ITGAE: variants seen among roughly 807,000 people sequenced by gnomAD.
ITGAE encodes the protein integrin alpha-E.
A neutral mutation model predicts 136.5 loss-of-function variants in ITGAE; 99 were observed. That is an observed-to-expected ratio of 0.73 (90% confidence interval 0.62 to 0.86). ITGAE has a LOEUF of 0.86. Among genes scored for constraint, ITGAE ranks in the 40% least tolerant of loss-of-function variants. The pLI is 0.00. For missense variants in ITGAE, 1,447 were observed against 1,515.3 expected, an observed-to-expected ratio of 0.95 and a Z score of 0.75; for synonymous variants, 613 against 591.8, an observed-to-expected ratio of 1.04 and a Z score of -0.52.
intron 28 of ITGAE, chr17:3,722,631 G>A (rs1003701167): frequency 6.5e-6 from 1 of 153,408 alleles, no homozygotes; most frequent in Non-Finnish European, 1.5e-5. Context: ...CGAGCTAGAA[G>A]AATAGGACAG....
intron 22 of ITGAE, 27 bp downstream of exon 22, chr17:3,732,339 GAA>G: frequency 1.3e-6 from 2 of 1,533,194 alleles, no homozygotes; most frequent in East Asian, 2.2e-5. Flanking sequence ...AGGGTGGTGA[GAA>G]GAGCGAATCA....
At chr17:3,796,941 C>A (rs546603774) in intron 1 of ITGAE, among the ~76,000 whole-genome samples, 1 of 152,012 alleles carries the variant, frequency 6.6e-6, no homozygotes, top group Admixed American at 6.6e-5. Context: ...GAACACCCAG[C>A]GGGGCCTCGT....
chr17:3,748,128 C>A, intron 16 of ITGAE, 76 bp from the exon 17 acceptor site: 18 of 1,456,712 alleles, frequency 1.2e-5, no homozygotes, highest in Non-Finnish European at 1.6e-5. Context: ...TTGGTTCATG[C>A]ATTCAATGGT....
intron 8 of ITGAE, among the ~76,000 whole-genome samples, chr17:3,758,675 C>A (rs1278709256): frequency 6.7e-6 from 1 of 150,206 alleles, no homozygotes; most frequent in Non-Finnish European, 1.5e-5. Flanking sequence ...TGGTCTTGAA[C>A]TCCTGACCTC....
At chr17:3,772,978 G>A (rs2052461257) in intron 2 of ITGAE, among the ~76,000 whole-genome samples, 1 of 152,124 alleles carries the variant, frequency 6.6e-6, no homozygotes, top group Non-Finnish European at 1.5e-5. Flanking sequence ...ATTCCGACAT[G>A]CTCCACCTGG....
At chr17:3,731,718 A>G (rs1242789820) in intron 22 of ITGAE, among the ~76,000 whole-genome samples, 3 of 152,132 alleles carry the variant, frequency 2.0e-5, no homozygotes, top group Non-Finnish European at 2.9e-5. Flanking sequence ...TTACAGGTGA[A>G]GAAGCCACTT....
chr17:3,732,324 A>C, intron 22 of ITGAE, 44 bp downstream of exon 22: 1 of 1,424,092 alleles, frequency 7.0e-7, no homozygotes, highest in Non-Finnish European at 9.9e-7. Context: ...GAAGACGCCA[A>C]CTGCAGGGTG....
At chr17:3,725,502 GGA>G in intron 26 of ITGAE, 1 of 1,614,172 alleles carries the variant, frequency 6.2e-7, no homozygotes. Context: ...TTTAGTCAAT[GGA>G]TCCCATCAGA....
chr17:3,762,437 C>A (rs1433975376), intron 3 of ITGAE, among the ~76,000 whole-genome samples: 1 of 152,148 alleles, frequency 6.6e-6, no homozygotes, highest in South Asian at 2.1e-4. Flanking sequence ...AATCTTACTG[C>A]CCCCAGCCTC....
At position 3,720,307 on chromosome 17, in the gene ITGAE, CT is replaced by C; in HGVS notation, c.3332del (p.Lys1111ArgfsTer7). ...TACTCAGAAGCCAGCCAGGAATTAC[CT>C]TAGTTCTGTGGTTCTCTGCATTCAG... ...EGLNAENHRT[K>X]ITVVFLKDEK... On this transcript the variant is annotated frameshift_variant and splice_region_variant, in exon 29 of 31. Transcript: ENST00000263087. LOFTEE classifies it high-confidence loss of function. The C allele has an allele frequency of 6.6e-7, 1 of 1,513,192 alleles. No homozygotes were observed. Among genetic ancestry groups the C allele is most frequent in the Non-Finnish European group, 9.2e-7 (1 of 1,088,488 alleles). 93.7% of individuals were successfully genotyped at this position (1,513,192 alleles called of 1,614,324 possible). A position where few individuals can be genotyped will look rare whatever the true frequency, so the allele number is the denominator to read the frequency against.
Position 3,722,250 on chromosome 17 carries a change from G to C in ITGAE, c.3237+1038C>G, listed in dbSNP as rs1489083546. 2.6e-5 allele frequency: 4 copies of C among 152,190 alleles called. 1 individual carries two copies. The highest frequency in any genetic ancestry group is 9.7e-5 in the African/African-American group (4 of 41,412). 9.4% of individuals were successfully genotyped at this position (152,190 alleles called of 1,614,324 possible). A position where few individuals can be genotyped will look rare whatever the true frequency, so the allele number is the denominator to read the frequency against. ...TAATCCCAGCACTTTGGGAGGCTGAGGCGGGCGATCACCTGAGGTCAGGAG... is the reference window on the plus strand; with the variant it reads ...TAATCCCAGCACTTTGGGAGGCTGACGCGGGCGATCACCTGAGGTCAGGAG... On this transcript the variant is annotated intron_variant, in intron 28 of 30. Transcript: ENST00000263087.
intron 19 of ITGAE, among the ~76,000 whole-genome samples, chr17:3,740,888 C>T (rs2051569144): frequency 6.6e-6 from 1 of 152,172 alleles, no homozygotes; most frequent in Non-Finnish European, 1.5e-5. Context: ...TCGCACTTCT[C>T]TCCCGGTGGC....
chr17:3,750,543 C>T, intron 15 of ITGAE, 61 bp from the exon 16 acceptor site: 16 of 1,596,912 alleles, frequency 1.0e-5, no homozygotes, highest in Non-Finnish European at 1.4e-5. Context: ...GGCGGGGAGT[C>T]CTTTCATGAT....
In ITGAE at chr17:3,798,435, CAG is replaced by C. The variant is rs2053174269; in HGVS notation, c.34+2674_34+2675del. 6.6e-6 allele frequency among the ~76,000 whole-genome samples: 1 copy of C among 152,120 alleles called. No homozygotes were observed. Among genetic ancestry groups the C allele is most frequent in the South Asian group, 2.1e-4 (1 of 4,824 alleles). On this transcript the variant is annotated intron_variant, in intron 1 of 30. Transcript: ENST00000263087. This position sits in a 1 kb window ranked among gnomAD's most constrained non-coding sequence, Gnocchi z 4.3. Reference sequence around the variant, plus strand: ...ACTTCGCCTCCATCTTCCTACAAACCAGACTCTTCACACCCCAGGGCTTGGTC... The same window carrying C: ...ACTTCGCCTCCATCTTCCTACAAACCACTCTTCACACCCCAGGGCTTGGTC...
rs566980370 is a variant in ITGAE, at chr17:3,743,540, G to A, written c.2397C>T (p.Asp799=). Residue 799 remains aspartate, a synonymous_variant, in exon 19 of 31, where the codon GAC becomes GAT. Transcript: ENST00000263087. ...AGCGGTCCAGGATGGGCTGGGGATG[G>A]TCCGTCTGTCCCTCAGGGGTCTGGA... ...YQLQTPEGQT[D]HPQPILDRYT... The A allele has an allele frequency of 1.5e-5, 24 of 1,612,050 alleles. No individual in the cohort carries two copies. The South Asian group carries it at 2.3e-4, about 16-fold the overall frequency.
At chr17:3,746,489 G>T (rs1360058268) in intron 17 of ITGAE, among the ~76,000 whole-genome samples, 1 of 146,128 alleles carries the variant, frequency 6.8e-6, no homozygotes, top group East Asian at 2.0e-4. Flanking sequence ...ACAGAGTCTC[G>T]CTGTCACCCA....
chr17:3,751,919 G>A lies in ITGAE; in HGVS notation c.1669-45C>T. 2.6e-6 allele frequency: 4 copies of A among 1,532,486 alleles called. No homozygotes were observed. The South Asian group carries it at 4.5e-5, about 17-fold the overall frequency. 94.9% of individuals were successfully genotyped at this position (1,532,486 alleles called of 1,614,324 possible). On this transcript the variant is annotated intron_variant, in intron 14 of 30. Transcript: ENST00000263087. ...CTCAGCCCTCAAGAAGGGGTGCTAG[G>A]TGCCCACTCCATTGCCACCCCGATG...
intron 23 of ITGAE, 141 bp from the exon 24 acceptor site, chr17:3,729,696 G>A (rs1309945793): frequency 3.0e-6 from 2 of 657,354 alleles, no homozygotes; most frequent in Non-Finnish European, 5.7e-6. Context: ...CCGGGTTCAA[G>A]CAATTCTCAT....
chr17:3,722,737 G>A (rs1397625267), intron 28 of ITGAE, among the ~76,000 whole-genome samples: 1 of 152,178 alleles, frequency 6.6e-6, no homozygotes, highest in Non-Finnish European at 1.5e-5. Context: ...GTACTGCCTT[G>A]CTCTGGCCAT....
Sources: gnomAD v4.1 joint callset for allele counts (sites outside exome capture counted in the v4.1 genomes callset) on GRCh38, gnomAD v4.1.1 for gene constraint, Gnocchi (gnomAD v3.1) non-coding constraint, MANE v1.5 for transcripts, NCBI Gene and HGNC (gene_info 2026-07-23, HGNC 2026-07-21) for gene names.